Variants in TAFA5 observed in about 807,000 individuals in gnomAD.
TAFA5 encodes chemokine-like protein TAFA-5.
TAFA5 carries 6 observed loss-of-function variants against 15.3 expected under a neutral mutation model. The observed-to-expected ratio is 0.39, with a 90% CI of 0.21 to 0.77. TAFA5 has a LOEUF of 0.77. TAFA5 is among the 30% of genes least tolerant of loss of function. The pLI is 0.41. For missense variants in TAFA5, 161 were observed against 193.1 expected, an observed-to-expected ratio of 0.83 and a Z score of 0.98; for synonymous variants, 103 against 80.7, an observed-to-expected ratio of 1.28 and a Z score of -1.48.
chr22:48,748,284 C>T (rs960221748), intron 3 of TAFA5, among the ~76,000 whole-genome samples: 2 of 152,250 alleles, frequency 1.3e-5, no homozygotes, highest in Admixed American at 1.3e-4. Context: ...GGTTCTGGAA[C>T]AACGGCTGCA....
intron 3 of TAFA5, among the ~76,000 whole-genome samples, chr22:48,740,653 A>T (rs1930153418): frequency 6.6e-6 from 1 of 152,194 alleles, no homozygotes; most frequent in Admixed American, 6.5e-5. Context: ...GACAGATTCC[A>T]GAGAGAGCAG....
At chr22:48,603,832 C>A (rs1208157523) in intron 1 of TAFA5, among the ~76,000 whole-genome samples, 4 of 152,134 alleles carry the variant, frequency 2.6e-5, no homozygotes, top group Non-Finnish European at 5.9e-5. Flanking sequence ...AAGTGGAGAT[C>A]CAGTGGGCTG....
intron 1 of TAFA5, among the ~76,000 whole-genome samples, chr22:48,633,134 C>T (rs2046087640): frequency 1.3e-5 from 2 of 152,156 alleles, no homozygotes; most frequent in African/African-American, 4.8e-5. Context: ...AAGAGCCAGG[C>T]CGCCCCCACT....
rs183060316 is a variant in TAFA5, at chr22:48,515,277, A to G, written c.112+25573A>G. 1.6e-3 allele frequency among the ~76,000 whole-genome samples: 251 copies of G among 152,134 alleles called. 1 individual carries two copies. In the South Asian group the frequency reaches 0.022, roughly 13 times the overall value. ...TCCCTGGAAAGGAGCAGAGACTCAG[A>G]TAAGCAGGTGCAGAGCTGGCAAATG... is the stretch of plus-strand genomic sequence containing the variant. On this transcript the variant is annotated intron_variant, in intron 1 of 3. Transcript: ENST00000402357.
At chr22:48,594,059 C>T (rs1298201147) in intron 1 of TAFA5, among the ~76,000 whole-genome samples, 3 of 152,158 alleles carry the variant, frequency 2.0e-5, no homozygotes, top group Non-Finnish European at 2.9e-5. Flanking sequence ...AGCTTTTTTC[C>T]AGGGCGCTGA....
At chr22:48,666,601 G>T (rs1011522083) in intron 2 of TAFA5, among the ~76,000 whole-genome samples, 2 of 51,720 alleles carry the variant, frequency 3.9e-5, no homozygotes, top group Non-Finnish European at 7.9e-5. Context: ...TGACCAGCCA[G>T]CATCCACAGT....
chr22:48,542,296 GATGT>G (rs1922429059), intron 1 of TAFA5, among the ~76,000 whole-genome samples: 2 of 130,760 alleles, frequency 1.5e-5, no homozygotes, highest in South Asian at 2.6e-4. Context: ...GTGCATGTGT[GATGT>G]GTGTGTAGTG....
rs909204111 is a variant in TAFA5, at chr22:48,751,293, G to C, written c.*1446G>C. On this transcript the variant is annotated 3_prime_UTR_variant, in exon 4 of 4. Coordinates refer to ENST00000402357, the MANE Select transcript of TAFA5 (RefSeq NM_001082967.3). ...GCGTTCTGAGAAGTCCTCTGTCTTC[G>C]TGTCACTAGGTCCAGAAAGTCGCGC... 1.3e-5 allele frequency: 2 copies of C among 152,424 alleles called. No homozygotes were observed. The highest frequency in any genetic ancestry group is 4.8e-5 in the African/African-American group (2 of 41,454). 9.4% of individuals were successfully genotyped at this position (152,424 alleles called of 1,614,324 possible).
chr22:48,588,093 G>T (rs1407909228), intron 1 of TAFA5, among the ~76,000 whole-genome samples: 1 of 152,212 alleles, frequency 6.6e-6, no homozygotes, highest in Non-Finnish European at 1.5e-5. Context: ...TTGGGGGGTT[G>T]GTCCATGGGA....
intron 3 of TAFA5, among the ~76,000 whole-genome samples, chr22:48,716,732 A>G (rs1929412632): frequency 6.6e-6 from 1 of 152,222 alleles, no homozygotes; most frequent in Non-Finnish European, 1.5e-5. Flanking sequence ...ACACATACAC[A>G]CACGTATATG....
rs187487513 is a variant in TAFA5 at position 48,545,325 on chromosome 22, C to T, written c.112+55621C>T. ...GCCTCAGAGGGGGCTGGATCTGCCCCGGGTCACAGCACTCATAGGACACTG... is the reference window on the plus strand; with the variant it reads ...GCCTCAGAGGGGGCTGGATCTGCCCTGGGTCACAGCACTCATAGGACACTG... On this transcript the variant is annotated intron_variant, in intron 1 of 3. Transcript: ENST00000402357. The T allele has an allele frequency of 2.9e-5, 7 of 241,004 alleles. No homozygotes were observed. In the East Asian group the frequency reaches 4.7e-4, roughly 16 times the overall value. 14.9% of individuals were successfully genotyped at this position (241,004 alleles called of 1,614,324 possible).
At chr22:48,724,980 G>T (rs1026301383) in intron 3 of TAFA5, among the ~76,000 whole-genome samples, 1 of 152,208 alleles carries the variant, frequency 6.6e-6, no homozygotes, top group African/African-American at 2.4e-5. Context: ...AGAGGGCCAG[G>T]GGCGCACCAG....
intron 2 of TAFA5, among the ~76,000 whole-genome samples, chr22:48,674,348 TC>T (rs1335611337): frequency 7.8e-6 from 1 of 128,544 alleles, no homozygotes; most frequent in Non-Finnish European, 1.9e-5. Context: ...CGCCAGCGGT[TC>T]CTTTCTGGCA....
chr22:48,573,415 G>C (rs1249691850), intron 1 of TAFA5, among the ~76,000 whole-genome samples: 1 of 152,148 alleles, frequency 6.6e-6, no homozygotes, highest in South Asian at 2.1e-4. Flanking sequence ...AGAACCCTAG[G>C]TGTCTCCTCC....
At chr22:48,654,448 T>A (rs4925422) in intron 2 of TAFA5, among the ~76,000 whole-genome samples, 20,743 of 152,154 alleles carry the variant, frequency 0.14, 1,721 homozygotes, top group Admixed American at 0.26. Flanking sequence ...CCACCGTCAC[T>A]CCTTCCCATG....
intron 1 of TAFA5, among the ~76,000 whole-genome samples, chr22:48,596,541 C>T (rs931734672): frequency 6.6e-5 from 10 of 152,170 alleles, no homozygotes; most frequent in Non-Finnish European, 1.5e-4. Context: ...ATGGCAGTTT[C>T]CATCTAGCCT....
intron 2 of TAFA5, among the ~76,000 whole-genome samples, chr22:48,706,341 G>T (rs1187407777): frequency 6.6e-6 from 1 of 152,198 alleles, no homozygotes. Context: ...TCGGAACAGT[G>T]AGGACCCCGA....
chr22:48,688,314 C>G (rs1230795988), intron 2 of TAFA5, among the ~76,000 whole-genome samples: 1 of 152,206 alleles, frequency 6.6e-6, no homozygotes, highest in Non-Finnish European at 1.5e-5. Context: ...AGACTGTTCC[C>G]ACTAAATTAT....
intron 1 of TAFA5, among the ~76,000 whole-genome samples, chr22:48,620,656 A>ATCCTATCCACCCCCCCACCATCCC (rs1925774470): frequency 7.8e-5 from 1 of 12,776 alleles, no homozygotes; most frequent in Non-Finnish European, 1.7e-4. Flanking sequence ...CCCACCATCC[A>ATCCTATCCACCCCCCCACCATCCC]CCATCCATCC....
Sources: gnomAD v4.1 joint callset for allele counts (sites outside exome capture counted in the v4.1 genomes callset) on GRCh38, gnomAD v4.1.1 for gene constraint, MANE v1.5 for transcripts, NCBI Gene and HGNC (gene_info 2026-07-23, HGNC 2026-07-21) for gene names.